The following RPS6KC1 variants were observed in gnomAD, a reference collection of about 807,000 sequenced individuals.
The protein encoded by RPS6KC1 is inactive ribosomal protein S6 kinase delta-1.
Under a neutral mutation model 103.8 loss-of-function variants are expected in RPS6KC1, and 54 were observed. The observed-to-expected ratio is 0.52, with a 90% CI of 0.42 to 0.65. RPS6KC1 has a LOEUF of 0.65. Ranked by LOEUF, RPS6KC1 falls within the 30% of genes least tolerant of loss-of-function variation. The pLI, the probability that RPS6KC1 is intolerant of heterozygous loss-of-function variation, is 0.00. For synonymous variants in RPS6KC1, 439 were observed against 438.7 expected (o/e 1.00, Z -0.01); for missense variants, 1,151 against 1,253.8 (o/e 0.92, Z 1.24).
chr1:213,153,371 G>T (rs2147971681), intron 6 of RPS6KC1, among the ~76,000 whole-genome samples: 1 of 152,118 alleles, frequency 6.6e-6, no homozygotes, highest in African/African-American at 2.4e-5. Flanking sequence ...TTTGTTTGAG[G>T]TTACCATGAG....
At chr1:213,135,776 C>T (rs1459120645) in intron 6 of RPS6KC1, among the ~76,000 whole-genome samples, 1 of 152,046 alleles carries the variant, frequency 6.6e-6, no homozygotes, top group Non-Finnish European at 1.5e-5. Flanking sequence ...AAGTGTCTGC[C>T]AATAGGAGTC....
At chr1:213,682,893 GA>G in the RPS6KC1 span, among the ~76,000 whole-genome samples, 14 of 152,220 alleles carry the variant, frequency 9.2e-5, no homozygotes, top group African/African-American at 3.4e-4. Context: ...TAAACAAAAC[GA>G]GATTTTACTA....
chr1:213,190,966 G>A (rs1321123218), intron 8 of RPS6KC1, among the ~76,000 whole-genome samples: 1 of 152,120 alleles, frequency 6.6e-6, no homozygotes, highest in African/African-American at 2.4e-5. Flanking sequence ...GTAGATATAT[G>A]ACTTTATCTG....
the RPS6KC1 span, among the ~76,000 whole-genome samples, chr1:213,416,482 G>A: frequency 1.3e-5 from 2 of 152,248 alleles, no homozygotes; most frequent in Non-Finnish European, 2.9e-5. Flanking sequence ...GAGTAGTGTG[G>A]CTGGATCACG....
the RPS6KC1 span, among the ~76,000 whole-genome samples, chr1:213,328,081 C>T: frequency 6.6e-6 from 1 of 152,080 alleles, no homozygotes; most frequent in Non-Finnish European, 1.5e-5. Flanking sequence ...GTAGCTGTCG[C>T]CCATGTTAGA....
chr1:213,823,726 C>CACACACACACACACA, the RPS6KC1 span, among the ~76,000 whole-genome samples: 5 of 146,384 alleles, frequency 3.4e-5, no homozygotes, highest in African/African-American at 1.3e-4. Context: ...GCTATCACAG[C>CACACACACACACACA]CACACACACA....
chr1:213,420,192 A>C, the RPS6KC1 span, among the ~76,000 whole-genome samples: 14 of 152,338 alleles, frequency 9.2e-5, no homozygotes, highest in Non-Finnish European at 1.9e-4. Context: ...CTTGGCTTCC[A>C]GATCTGTTTA....
chr1:213,527,158 G>A, the RPS6KC1 span, among the ~76,000 whole-genome samples: 2 of 152,156 alleles, frequency 1.3e-5, no homozygotes, highest in African/African-American at 4.8e-5. Context: ...GCTCGTAGAG[G>A]TCCAGAATCA....
chr1:213,769,492 GGAGAGAGAGAGAGAGAGAGATGGACAGA>G, the RPS6KC1 span, among the ~76,000 whole-genome samples: 1 of 135,624 alleles, frequency 7.4e-6, no homozygotes, highest in Non-Finnish European at 1.6e-5. Flanking sequence ...AACTCCACCT[GGAGAGAGAGAGAGAGAGAGATGGACAGA>G]GAGAGAGAGA....
chr1:213,348,168 C>T, the RPS6KC1 span, among the ~76,000 whole-genome samples: 24 of 152,152 alleles, frequency 1.6e-4, no homozygotes, highest in East Asian at 4.4e-3. Context: ...CATTTCCGGG[C>T]CCAAGAGGTT....
intron 8 of RPS6KC1, among the ~76,000 whole-genome samples, chr1:213,192,378 C>T (rs1016388268): frequency 2.0e-5 from 3 of 152,158 alleles, no homozygotes; most frequent in South Asian, 4.1e-4. Flanking sequence ...GTTTTCATAT[C>T]GGGGTAATAC....
At chr1:213,735,372 G>A in the RPS6KC1 span, among the ~76,000 whole-genome samples, 1 of 152,166 alleles carries the variant, frequency 6.6e-6, no homozygotes, top group African/African-American at 2.4e-5. Flanking sequence ...TGTTAGGAAG[G>A]GGCTCTGCCA....
chr1:213,359,964 A>T, the RPS6KC1 span, among the ~76,000 whole-genome samples: 1 of 152,106 alleles, frequency 6.6e-6, no homozygotes, highest in East Asian at 1.9e-4. Flanking sequence ...GGGTAACCCG[A>T]CCTTTCTCTC....
the RPS6KC1 span, among the ~76,000 whole-genome samples, chr1:213,771,724 C>T: frequency 9.2e-5 from 14 of 152,166 alleles, 1 homozygote; most frequent in African/African-American, 1.7e-4. Context: ...CTAGGTAGAA[C>T]GTCAGGAAGC....
chr1:213,855,022 C>A, the RPS6KC1 span, among the ~76,000 whole-genome samples: 2 of 152,232 alleles, frequency 1.3e-5, no homozygotes, highest in Non-Finnish European at 2.9e-5. Flanking sequence ...CACACCATGT[C>A]CTCACATGGT....
At chr1:213,835,418 G>T in the RPS6KC1 span, among the ~76,000 whole-genome samples, 1 of 152,168 alleles carries the variant, frequency 6.6e-6, no homozygotes, top group East Asian at 1.9e-4. Flanking sequence ...ATGTTTTAGA[G>T]ATCACTCCCC....
At chr1:213,756,863 GC>G in the RPS6KC1 span, among the ~76,000 whole-genome samples, 41 of 151,926 alleles carry the variant, frequency 2.7e-4, no homozygotes, top group African/African-American at 7.7e-4. Context: ...GCCTGCCTCG[GC>G]CCCCCCAAAG....
the RPS6KC1 span, among the ~76,000 whole-genome samples, chr1:213,624,411 G>A: frequency 6.6e-6 from 1 of 152,242 alleles, no homozygotes; most frequent in South Asian, 2.1e-4. Context: ...AGGAGACTAT[G>A]AAAGCGATTG....
the RPS6KC1 span, among the ~76,000 whole-genome samples, chr1:213,417,054 T>C: frequency 1.3e-5 from 2 of 152,278 alleles, no homozygotes; most frequent in South Asian, 4.1e-4. Context: ...GGAACAGATA[T>C]GTGATGTGGC....
Sources: gnomAD v4.1 joint callset for allele counts (sites outside exome capture counted in the v4.1 genomes callset) on GRCh38, gnomAD v4.1.1 for gene constraint, MANE v1.5 for transcripts, NCBI Gene and HGNC (gene_info 2026-07-23, HGNC 2026-07-21) for gene names.